ATP8B4: variants seen among roughly 807,000 people sequenced by gnomAD.
ATP8B4 encodes the protein probable phospholipid-transporting ATPase IM.
Under a neutral mutation model 145.6 loss-of-function variants are expected in ATP8B4, and 133 were observed. The observed-to-expected ratio is 0.91, with a 90% CI of 0.79 to 1.05. The LOEUF (loss-of-function observed/expected upper bound fraction) is 1.05, where lower values mean the gene tolerates loss of function less well. Ranked by LOEUF, ATP8B4 falls within the 50% of genes least tolerant of loss-of-function variation. The pLI is 0.00. For synonymous variants in ATP8B4, 507 were observed against 492.9 expected (o/e 1.03, Z -0.38); for missense variants, 1,458 against 1,425.2 (o/e 1.02, Z -0.37).
At chr15:50,000,796 G>T (rs944441251) in intron 8 of ATP8B4, among the ~76,000 whole-genome samples, 1 of 152,040 alleles carries the variant, frequency 6.6e-6, no homozygotes, top group African/African-American at 2.4e-5. Flanking sequence ...AGATTTCAAA[G>T]ATTTCCTCCT....
intron 7 of ATP8B4, among the ~76,000 whole-genome samples, chr15:50,003,273 C>CGT (rs1491248763): frequency 1.6e-4 from 14 of 85,886 alleles, no homozygotes; most frequent in African/African-American, 2.3e-4. Context: ...ATAGGGTGTG[C>CGT]ATGTGTGTGT....
chr15:49,935,973 C>G (rs562398868), intron 14 of ATP8B4, among the ~76,000 whole-genome samples: 1 of 152,260 alleles, frequency 6.6e-6, no homozygotes, highest in Admixed American at 6.5e-5. Context: ...CTCCTCTTCA[C>G]TTCTCCCTCC....
At chr15:50,106,218 A>G (rs562914109) in intron 2 of ATP8B4, among the ~76,000 whole-genome samples, 2 of 152,334 alleles carry the variant, frequency 1.3e-5, no homozygotes, top group African/African-American at 4.8e-5. Context: ...TAAAGAGTCT[A>G]TGGTCAAAAA....
intron 7 of ATP8B4, among the ~76,000 whole-genome samples, chr15:50,008,601 A>C (rs1567189764): frequency 6.6e-6 from 1 of 152,216 alleles, no homozygotes. Flanking sequence ...CACATACCAT[A>C]ATATAGAAAA....
At chr15:50,168,216 C>G (rs1357639397) in intron 1 of ATP8B4, among the ~76,000 whole-genome samples, 1 of 152,172 alleles carries the variant, frequency 6.6e-6, no homozygotes, top group Non-Finnish European at 1.5e-5. Flanking sequence ...CCCAACAGAG[C>G]AGCATGCGAA....
chr15:49,898,374 C>CAA (rs2037650855), intron 21 of ATP8B4, 123 bp from the exon 22 acceptor site: 1 of 1,038,890 alleles, frequency 9.6e-7, no homozygotes, highest in Non-Finnish European at 1.4e-6. Context: ...TCATTCACTC[C>CAA]AAAAAGTCAT....
intron 1 of ATP8B4, among the ~76,000 whole-genome samples, chr15:50,174,726 C>A (rs1026087679): frequency 6.6e-6 from 1 of 151,904 alleles, no homozygotes; most frequent in African/African-American, 2.4e-5. Context: ...CTGCCAAAAG[C>A]AATCTACAAA....
rs548837769 is a variant in ATP8B4, at chr15:49,994,693, C to A, written c.589+1984G>T. ...AGGAGTCATGCTGAAGAGGGGGATG[C>A]TTAACCCCAGTCCTGCAGTTCCATG... On this transcript the variant is annotated intron_variant, in intron 9 of 27. Transcript: ENST00000284509. Among the ~76,000 whole-genome samples, 201 of 152,122 alleles carry A rather than the reference C, an allele frequency of 1.3e-3. 1 individual carries two copies. Among genetic ancestry groups the A allele is most frequent in the African/African-American group, 4.7e-3 (195 of 41,508 alleles).
intron 10 of ATP8B4, among the ~76,000 whole-genome samples, chr15:49,981,596 ATAGT>A (rs1456505080): frequency 6.6e-5 from 10 of 152,198 alleles, no homozygotes; most frequent in African/African-American, 1.9e-4. Flanking sequence ...CTAGTTTGAC[ATAGT>A]TAAAGATAAC....
chr15:50,071,139 A>G (rs1344210635), intron 3 of ATP8B4, among the ~76,000 whole-genome samples: 2 of 152,198 alleles, frequency 1.3e-5, no homozygotes, highest in Non-Finnish European at 2.9e-5. Flanking sequence ...AGGAAACCCA[A>G]CAGAAGAGCC....
chr15:50,064,080 T>A (rs934624227), intron 3 of ATP8B4, among the ~76,000 whole-genome samples: 1 of 152,082 alleles, frequency 6.6e-6, no homozygotes, highest in Non-Finnish European at 1.5e-5. Flanking sequence ...TAAAGAGAGT[T>A]GAATGGAAAA....
chr15:49,923,672 T>C (rs2040460493), intron 16 of ATP8B4, among the ~76,000 whole-genome samples, 178 bp from the exon 17 acceptor site: 26 of 152,214 alleles, frequency 1.7e-4, no homozygotes, highest in Admixed American at 1.7e-3. Flanking sequence ...TTCTCATTTA[T>C]TAACTTAAGA....
chr15:50,089,555 C>T (rs57191911), intron 2 of ATP8B4, among the ~76,000 whole-genome samples: 3,875 of 152,116 alleles, frequency 0.025, 160 homozygotes, highest in African/African-American at 0.09. Flanking sequence ...GAAATGCAAA[C>T]AAAAACCACA....
chr15:50,034,946 G>A (rs995554480), intron 6 of ATP8B4, among the ~76,000 whole-genome samples: 6 of 152,152 alleles, frequency 3.9e-5, no homozygotes, highest in African/African-American at 1.4e-4. Context: ...TGTAGCCTAG[G>A]GCTGAGAATG....
At chr15:49,966,146 G>A (rs190189565) in intron 13 of ATP8B4, among the ~76,000 whole-genome samples, 1 of 152,348 alleles carries the variant, frequency 6.6e-6, no homozygotes, top group African/African-American at 2.4e-5. Flanking sequence ...ATTCCCGCAG[G>A]TGCCTACACC....
chr15:49,997,879 T>G lies in ATP8B4; in HGVS notation c.507-1120A>C, dbSNP rs143777524. On this transcript the variant is annotated intron_variant, in intron 8 of 27. Coordinates refer to ENST00000284509, the MANE Select transcript of ATP8B4 (RefSeq NM_024837.4). ...AGTAATCTTATTAATCAAAACCTGCTGATTTCTAGGACGCAGAGATGAGTA... is the reference window on the plus strand; with the variant it reads ...AGTAATCTTATTAATCAAAACCTGCGGATTTCTAGGACGCAGAGATGAGTA... Among the ~76,000 whole-genome samples the G allele has an allele frequency of 6.8e-4, 104 of 152,268 alleles. 1 individual carries two copies. Among genetic ancestry groups the G allele is most frequent in the African/African-American group, 2.4e-3 (99 of 41,580 alleles).
At chr15:49,900,513 A>T (rs2037905417) in intron 21 of ATP8B4, among the ~76,000 whole-genome samples, 1 of 152,222 alleles carries the variant, frequency 6.6e-6, no homozygotes, top group Non-Finnish European at 1.5e-5. Flanking sequence ...TGTTTGTTCA[A>T]GATTCAGAAT....
chr15:49,914,459 C>A lies in ATP8B4; in HGVS notation c.2141+2475G>T, dbSNP rs1033392848. ...GCTAAGACCTCAAAAGCACAGGCAACAAAAACATAGGCAAGTGAGACTACA... is the reference window on the plus strand; with the variant it reads ...GCTAAGACCTCAAAAGCACAGGCAAAAAAAACATAGGCAAGTGAGACTACA... On this transcript the variant is annotated intron_variant, in intron 20 of 27. Coordinates refer to ENST00000284509, the MANE Select transcript of ATP8B4 (RefSeq NM_024837.4). 3.3e-5 allele frequency among the ~76,000 whole-genome samples: 5 copies of A among 151,974 alleles called. No homozygotes were observed. The East Asian group carries it at 9.6e-4, about 29-fold the overall frequency.
chr15:49,937,966 A>T (rs2041868156), intron 14 of ATP8B4, among the ~76,000 whole-genome samples: 1 of 152,170 alleles, frequency 6.6e-6, no homozygotes, highest in Admixed American at 6.6e-5. Context: ...CTATTTTGGG[A>T]CACTGAAAAA....
Sources: gnomAD v4.1 joint callset for allele counts (sites outside exome capture counted in the v4.1 genomes callset) on GRCh38, gnomAD v4.1.1 for gene constraint, MANE v1.5 for transcripts, NCBI Gene and HGNC (gene_info 2026-07-23, HGNC 2026-07-21) for gene names.